SCAF8: variants seen among roughly 807,000 people sequenced by gnomAD.
SCAF8 encodes SR-related and CTD-associated factor 8.
In SCAF8, 23 loss-of-function variants were observed where a neutral mutation model predicts 140.5. That is an observed-to-expected ratio of 0.16 (90% CI 0.12 to 0.23). The LOEUF (loss-of-function observed/expected upper bound fraction) is 0.23, where lower values mean the gene tolerates loss of function less well. Ranked by LOEUF, SCAF8 falls within the 10% of genes least tolerant of loss-of-function variation. SCAF8 has a pLI of 1.00. For missense variants in SCAF8, 1,397 were observed against 1,555.7 expected (o/e 0.90, Z 1.72); for synonymous variants, 575 against 528.9 (o/e 1.09, Z -1.20).
At chr6:154,802,722 T>C (rs1469819251) in intron 7 of SCAF8, among the ~76,000 whole-genome samples, 1 of 152,170 alleles carries the variant, frequency 6.6e-6, no homozygotes, top group African/African-American at 2.4e-5. Context: ...CTGAGGCAAG[T>C]GATTACTTTC....
At chr6:154,757,909 CTTTTT>C (rs750337401) in intron 1 of SCAF8, among the ~76,000 whole-genome samples, 2 of 132,652 alleles carry the variant, frequency 1.5e-5, no homozygotes, top group Admixed American at 7.6e-5. Flanking sequence ...GTAAGTTTCA[CTTTTT>C]TTTTTTTTTT....
chr6:154,827,599 A>T (rs1175097564), intron 18 of SCAF8, among the ~76,000 whole-genome samples: 1 of 152,160 alleles, frequency 6.6e-6, no homozygotes, highest in African/African-American at 2.4e-5. Flanking sequence ...TTCATTCTGT[A>T]TATAAGAGCT....
rs1282909726 is a variant in SCAF8, at chr6:154,777,870, T to C, written c.115-131T>C. 1.6e-5 allele frequency: 10 copies of C among 636,746 alleles called. No homozygotes were observed. The East Asian group carries it at 2.9e-4, about 18-fold the overall frequency. 39.4% of individuals were successfully genotyped at this position (636,746 alleles called of 1,614,324 possible). A position where few individuals can be genotyped will look rare whatever the true frequency, so the allele number is the denominator to read the frequency against. ...ATATAAAGGTGAGTGACAAGAATGT[T>C]TGTCTCAAAATTCTTGGTTAAGATA... On this transcript the variant is annotated intron_variant, in intron 2 of 19. Coordinates refer to ENST00000367178, the MANE Select transcript of SCAF8 (RefSeq NM_014892.5).
At chr6:154,788,290 C>T (rs72993439) in intron 4 of SCAF8, among the ~76,000 whole-genome samples, 2,546 of 152,186 alleles carry the variant, frequency 0.017, 27 homozygotes, top group Non-Finnish European at 0.023. Context: ...AGTCTAGGAG[C>T]AATGGAATAT....
At chr6:154,823,684 A>G (rs1041854134) in intron 16 of SCAF8, among the ~76,000 whole-genome samples, 1 of 152,230 alleles carries the variant, frequency 6.6e-6, no homozygotes, top group African/African-American at 2.4e-5. Context: ...CAGTTGTTTC[A>G]TACATGTTGT....
At chr6:154,781,915 G>A (rs1361314282) in intron 3 of SCAF8, among the ~76,000 whole-genome samples, 1 of 152,114 alleles carries the variant, frequency 6.6e-6, no homozygotes, top group Non-Finnish European at 1.5e-5. Flanking sequence ...GAGAAGTGTG[G>A]CTGCAGTTTG....
intron 5 of SCAF8, among the ~76,000 whole-genome samples, chr6:154,794,781 GTGTGTGT>G (rs1562449891): frequency 6.6e-4 from 5 of 7,542 alleles, no homozygotes; most frequent in African/African-American, 3.0e-3. Context: ...GGTGTGGGGG[GTGTGTGT>G]GTGTGTGTGT....
Position 154,734,010 on chromosome 6 carries a change from C to T in SCAF8, c.30+80C>T, listed in dbSNP as rs547085436. 9.4e-5 allele frequency: 135 copies of T among 1,430,682 alleles called. No homozygotes were observed. The African/African-American group carries it at 1.1e-3, about 12-fold the overall frequency. 88.6% of individuals were successfully genotyped at this position (1,430,682 alleles called of 1,614,324 possible). A position where few individuals can be genotyped will look rare whatever the true frequency, so the allele number is the denominator to read the frequency against. ...TCGAGGCCGGGGCCCGGAGGGTGGG[C>T]GCGGGCCTGCGGGTTTTTTAAGGGT... On this transcript the variant is annotated intron_variant, in intron 1 of 19. Coordinates refer to ENST00000367178, the MANE Select transcript of SCAF8 (RefSeq NM_014892.5).
At chr6:154,736,723 A>C (rs962343529) in intron 1 of SCAF8, among the ~76,000 whole-genome samples, 1 of 152,234 alleles carries the variant, frequency 6.6e-6, no homozygotes, top group East Asian at 1.9e-4. Flanking sequence ...TTACATGTGT[A>C]GATAGGTGTT....
At chr6:154,793,516 A>AT (rs1484933398) in intron 5 of SCAF8, among the ~76,000 whole-genome samples, 2 of 151,482 alleles carry the variant, frequency 1.3e-5, no homozygotes, top group Non-Finnish European at 2.9e-5. Context: ...TTATGAAAAA[A>AT]TTTTTATCAT....
intron 15 of SCAF8, 95 bp downstream of exon 15, chr6:154,820,428 C>G (rs1778385559): frequency 3.1e-6 from 3 of 961,338 alleles, no homozygotes. Flanking sequence ...ACTGTGTATC[C>G]TGGATTCATC....
intron 5 of SCAF8, 125 bp from the exon 6 acceptor site, chr6:154,794,884 A>G (rs1015132973): frequency 1.2e-6 from 1 of 849,092 alleles, no homozygotes; most frequent in Non-Finnish European, 1.8e-6. Flanking sequence ...AAGTGGACAC[A>G]ATAAAATAAA....
intron 5 of SCAF8, 85 bp from the exon 6 acceptor site, chr6:154,794,924 G>A: frequency 1.6e-6 from 2 of 1,247,274 alleles, no homozygotes; most frequent in Non-Finnish European, 2.2e-6. Context: ...TTTTATAAAA[G>A]TAATAAAACA....
chr6:154,795,875 CTTAA>C (rs1179527529), intron 6 of SCAF8, among the ~76,000 whole-genome samples: 1 of 152,108 alleles, frequency 6.6e-6, no homozygotes, highest in African/African-American at 2.4e-5. Context: ...TTTTATGTCT[CTTAA>C]TTAAGCTTTG....
rs185165890 is a variant in SCAF8 at position 154,803,218 on chromosome 6, A to G, written c.784-326A>G. ...ACCATATTAGGAATAGATCCATTGA[A>G]TATGGCCCTAGATGTTTTATCAAGC... On this transcript the variant is annotated intron_variant, in intron 7 of 19. Transcript: ENST00000367178. Among the ~76,000 whole-genome samples, 71 of 152,270 alleles carry G rather than the reference A, an allele frequency of 4.7e-4. 1 individual carries two copies. The South Asian group carries it at 5.0e-3, about 11-fold the overall frequency.
chr6:154,780,461 T>C (rs1005342722), intron 3 of SCAF8, among the ~76,000 whole-genome samples: 3 of 151,768 alleles, frequency 2.0e-5, no homozygotes, highest in African/African-American at 7.3e-5. Flanking sequence ...ACCTATCAAC[T>C]TGTCATCTAG....
At position 154,820,168 on chromosome 6, in the gene SCAF8, T is replaced by G. The variant is rs1778376214; in HGVS notation, c.1636-9T>G. On this transcript the variant is annotated splice_polypyrimidine_tract_variant and intron_variant, in intron 14 of 19. Transcript: ENST00000367178. ...AACCTTTCTTTTTTCCTCTTCCCAT[T>G]TACAATAGATCGCTTGGGCTTTAAA... The G allele has an allele frequency of 6.4e-7, 1 of 1,573,358 alleles. No homozygotes were observed. The highest frequency in any genetic ancestry group is 1.2e-5 in the South Asian group (1 of 82,536).
chr6:154,818,481 G>A lies in SCAF8; in HGVS notation c.1524G>A (p.Met508Ile). 2.6e-6 allele frequency: 4 copies of A among 1,556,506 alleles called. No individual in the cohort carries two copies. The highest frequency in any genetic ancestry group is 3.5e-6 in the Non-Finnish European group (4 of 1,150,508). ...CTTAAAACAATTTTTTTTATTAGAT[G>A]ATTCCTCCCCGGGGCTGTGCTTATG... ...EEFGQIESIN[M>I]IPPRGCAYVC... Residue 508 changes from methionine (M) to isoleucine (I), a missense_variant and splice_region_variant, in exon 14 of 20, where the codon ATG becomes ATA. Around this residue, in one of 5 missense-constraint regions of SCAF8, gnomAD observed 59 missense variants for 110.7 expected, o/e 0.53. Coordinates refer to ENST00000367178, the MANE Select transcript of SCAF8 (RefSeq NM_014892.5).
At chr6:154,810,662 C>T (rs546967597) in intron 12 of SCAF8, among the ~76,000 whole-genome samples, 2 of 152,106 alleles carry the variant, frequency 1.3e-5, no homozygotes, top group South Asian at 2.1e-4. Context: ...AAACCTTGCA[C>T]GGTTACATGT....
Sources: allele counts gnomAD v4.1 joint callset (sites outside exome capture counted in the v4.1 genomes callset), GRCh38; gene constraint gnomAD v4.1.1; regional missense constraint gnomAD v4.1.1; transcripts MANE v1.5; gene names NCBI Gene and HGNC (gene_info 2026-07-23, HGNC 2026-07-21).